Variants in TMEM87B observed in about 807,000 individuals in gnomAD.
TMEM87B encodes the protein transmembrane protein 87B.
A neutral mutation model predicts 80.3 loss-of-function variants in TMEM87B; 83 were observed. The ratio of observed to expected loss-of-function variants is 1.03; its 90% CI spans 0.87 to 1.24. The LOEUF (loss-of-function observed/expected upper bound fraction) is 1.24, where lower values mean the gene tolerates loss of function less well. Ranked by LOEUF, TMEM87B falls within the 50% of genes most tolerant of loss-of-function variation. TMEM87B has a pLI of 0.00. For missense variants in TMEM87B, 625 were observed against 674.4 expected, an observed-to-expected ratio of 0.93 and a Z score of 0.81; for synonymous variants, 219 against 230.5, an observed-to-expected ratio of 0.95 and a Z score of 0.45.
chr2:112,059,482 A>T (rs1678179130), intron 1 of TMEM87B, among the ~76,000 whole-genome samples: 1 of 152,062 alleles, frequency 6.6e-6, no homozygotes, highest in Non-Finnish European at 1.5e-5. Context: ...AGGAAAGAAT[A>T]TCATGCTTTT....
intron 14 of TMEM87B, among the ~76,000 whole-genome samples, chr2:112,099,837 G>A (rs1048844659): frequency 6.9e-6 from 1 of 144,706 alleles, no homozygotes; most frequent in Non-Finnish European, 1.5e-5. Context: ...AGATCATGCC[G>A]CTGCTACTGC....
chr2:112,057,923 G>A (rs1678130893), intron 1 of TMEM87B, among the ~76,000 whole-genome samples: 1 of 151,080 alleles, frequency 6.6e-6, no homozygotes. Context: ...CACCTCCCGG[G>A]TTCAGGGGAT....
Position 112,055,428 on chromosome 2 carries a change from G to C in TMEM87B, c.-164G>C, listed in dbSNP as rs77815897. On this transcript the variant is annotated 5_prime_UTR_variant, in exon 1 of 19. Coordinates refer to ENST00000283206, the MANE Select transcript of TMEM87B (RefSeq NM_032824.3). ...CTCCCGGTCCTGGCCGGGTTTCCCA[G>C]AACTGCACGGCGCCTCTCCGCCCAG... is the stretch of plus-strand genomic sequence containing the variant. 6.2e-6 allele frequency: 5 copies of C among 802,956 alleles called. No homozygotes were observed. Among genetic ancestry groups the C allele is most frequent in the Non-Finnish European group, 9.1e-6 (5 of 552,064 alleles). 49.7% of individuals were successfully genotyped at this position (802,956 alleles called of 1,614,324 possible).
rs1680025336 is a variant in TMEM87B, at chr2:112,116,367, G to A, written c.*224G>A. ...TAAATTGGATTTGGAAATAACCTGA[G>A]GAAAGTATTATGATAAAGATCTGCA... On this transcript the variant is annotated 3_prime_UTR_variant, in exon 19 of 19. Transcript: ENST00000283206. 2 of 471,164 alleles carry A rather than the reference G, an allele frequency of 4.2e-6. No homozygotes were observed. The highest frequency in any genetic ancestry group is 3.4e-5 in the South Asian group (1 of 29,522). The allele number at this position is 471,164 out of a possible 1,614,324, so 29.2% of individuals were successfully genotyped here. A position where few individuals can be genotyped will look rare whatever the true frequency, so the allele number is the denominator to read the frequency against.
Position 112,081,234 on chromosome 2 carries a change from A to G in TMEM87B, c.655-101A>G, listed in dbSNP as rs191272451. 1.0e-5 allele frequency: 15 copies of G among 1,433,998 alleles called. No homozygotes were observed. In the East Asian group the frequency reaches 3.0e-4, roughly 28 times the overall value. 88.8% of individuals were successfully genotyped at this position (1,433,998 alleles called of 1,614,324 possible). On this transcript the variant is annotated intron_variant, in intron 7 of 18. Coordinates refer to ENST00000283206, the MANE Select transcript of TMEM87B (RefSeq NM_032824.3). ...TGACATATCCTGTATTTCTGGTTCC[A>G]GAGTGACTGGAAAATGAAGGGTTGG...
At position 112,077,323 on chromosome 2, in the gene TMEM87B, T is replaced by C. The variant is rs545345540; in HGVS notation, c.592+41T>C. On this transcript the variant is annotated intron_variant, in intron 6 of 18. Transcript: ENST00000283206. ...ATGCATGTTTACTGTCTGCATTTTCTGTATTCTGTATTTTTGTCACTGACC... is the reference window on the plus strand; with the variant it reads ...ATGCATGTTTACTGTCTGCATTTTCCGTATTCTGTATTTTTGTCACTGACC... The C allele has an allele frequency of 3.6e-6, 4 of 1,110,974 alleles. No individual in the cohort carries two copies. The African/African-American group carries it at 6.3e-5, about 18-fold the overall frequency. The allele number at this position is 1,110,974 out of a possible 1,614,324, so 68.8% of individuals were successfully genotyped here.
intron 9 of TMEM87B, 80 bp downstream of exon 9, chr2:112,086,184 G>T: frequency 8.8e-7 from 1 of 1,138,536 alleles, no homozygotes. Context: ...TTGTGAAAAT[G>T]GAACTTCTAA....
intron 11 of TMEM87B, 105 bp from the exon 12 acceptor site, chr2:112,096,939 G>A: frequency 1.4e-6 from 1 of 736,236 alleles, no homozygotes; most frequent in African/African-American, 1.8e-5. Flanking sequence ...CAAATTTTAG[G>A]AACTGTATTT....
rs185911565 is a variant in TMEM87B, at chr2:112,057,857, C to T, written c.165+2101C>T. Among the ~76,000 whole-genome samples the T allele has an allele frequency of 2.6e-3, 355 of 137,860 alleles. 2 individuals carry two copies. The highest frequency in any genetic ancestry group is 0.022 in the Middle Eastern group (5 of 226). 90.4% of individuals were successfully genotyped at this position (137,860 alleles called of 152,430 possible). ...TTTTTTTTTTTTTGAGACGAAGTTT[C>T]GCTTTTGCTGCCCAGGCTGGAGTGC... On this transcript the variant is annotated intron_variant, in intron 1 of 18. Coordinates refer to ENST00000283206, the MANE Select transcript of TMEM87B (RefSeq NM_032824.3).
chr2:112,068,855 T>A (rs976715962), intron 4 of TMEM87B, among the ~76,000 whole-genome samples: 1 of 152,216 alleles, frequency 6.6e-6, no homozygotes, highest in Non-Finnish European at 1.5e-5. Context: ...TTTTTATTTT[T>A]TAACTTTTAT....
intron 15 of TMEM87B, among the ~76,000 whole-genome samples, chr2:112,105,188 C>G (rs1455618778): frequency 1.3e-5 from 2 of 152,098 alleles, no homozygotes; most frequent in Non-Finnish European, 2.9e-5. Flanking sequence ...TATTCCCCTT[C>G]TAAGAGAAAT....
rs1558847046 is a variant in TMEM87B, at chr2:112,098,686, C to T, written c.1364C>T (p.Ala455Val). The T allele has an allele frequency of 2.5e-6, 4 of 1,613,968 alleles. No individual in the cohort carries two copies. The South Asian group carries it at 4.4e-5, about 18-fold the overall frequency. ...IVIMFLWRPS[A>V]NNQRYAFMPL... is the part of the protein sequence containing the mutation. The stretch of plus-strand genomic sequence containing the variant: ...ATCATGTTTTTGTGGAGACCATCAG[C>T]AAACAATCAGAGGTACCTAACATAG... Residue 455 changes from alanine (A) to valine (V), a missense_variant, in exon 14 of 19, where the codon GCA becomes GTA. Physicochemically the swap from Ala to Val is moderately conservative, Grantham distance 64. Coordinates refer to ENST00000283206, the MANE Select transcript of TMEM87B (RefSeq NM_032824.3).
intron 5 of TMEM87B, 44 bp downstream of exon 5, chr2:112,075,006 A>C: frequency 6.4e-7 from 1 of 1,563,116 alleles, no homozygotes. Flanking sequence ...ACACAAGTTA[A>C]CGTAAGACTG....
At chr2:112,100,789 T>G in intron 15 of TMEM87B, 94 bp downstream of exon 15, 1 of 695,904 alleles carries the variant, frequency 1.4e-6, no homozygotes, top group Non-Finnish European at 2.2e-6. Flanking sequence ...ATATATTGTT[T>G]TTTTCTATAA....
chr2:112,070,883 G>A (rs1036054701), intron 4 of TMEM87B, among the ~76,000 whole-genome samples: 1 of 150,552 alleles, frequency 6.6e-6, no homozygotes, highest in Non-Finnish European at 1.5e-5. Flanking sequence ...GTGTAGTGGC[G>A]CAGTCTCCAC....
At position 112,107,357 on chromosome 2, in the gene TMEM87B, C is replaced by CAAA. The variant is rs35280651; in HGVS notation, c.1525-414_1525-412dup. On this transcript the variant is annotated intron_variant, in intron 16 of 18. Coordinates refer to ENST00000283206, the MANE Select transcript of TMEM87B (RefSeq NM_032824.3). ...TGGGCGACAGAGTCAGACTCTGTCT[C>CAAA]AAAAAAAAAAAAAAAAAAAGAATGT... is the stretch of plus-strand genomic sequence containing the variant. Among the ~76,000 whole-genome samples the CAAA allele has an allele frequency of 2.1e-3, 172 of 83,818 alleles. 3 individuals carry two copies. The highest frequency in any genetic ancestry group is 2.5e-3 in the East Asian group (6 of 2,406). The allele number at this position is 83,818 out of a possible 152,430, so 55.0% of individuals were successfully genotyped here.
chr2:112,092,885 T>C (rs562408356), intron 11 of TMEM87B, among the ~76,000 whole-genome samples: 2 of 152,356 alleles, frequency 1.3e-5, no homozygotes, highest in South Asian at 2.1e-4. Context: ...GGGTTATGCA[T>C]ATCCCAGAAC....
At chr2:112,070,428 G>A (rs1678589229) in intron 4 of TMEM87B, among the ~76,000 whole-genome samples, 1 of 152,160 alleles carries the variant, frequency 6.6e-6, no homozygotes, top group Non-Finnish European at 1.5e-5. Context: ...TTATTGAATA[G>A]GGAGTCTTTT....
intron 15 of TMEM87B, 186 bp from the exon 16 acceptor site, chr2:112,105,815 TC>T (rs1256825177): frequency 2.3e-6 from 1 of 429,522 alleles, no homozygotes; most frequent in Non-Finnish European, 4.0e-6. Flanking sequence ...TTTCCAAAAA[TC>T]TGTGAACTTT....
Sources: gnomAD v4.1 joint callset for allele counts (sites outside exome capture counted in the v4.1 genomes callset) on GRCh38, gnomAD v4.1.1 for gene constraint, MANE v1.5 for transcripts, NCBI Gene and HGNC (gene_info 2026-07-23, HGNC 2026-07-21) for gene names.